ZSWIM9: variants seen among roughly 807,000 people sequenced by gnomAD.
ZSWIM9 encodes the protein zinc finger SWIM-type containing 9.
A neutral mutation model predicts 25.0 loss-of-function variants in ZSWIM9; 11 were observed. The observed-to-expected ratio is 0.44, with a 90% CI of 0.28 to 0.73. The LOEUF (loss-of-function observed/expected upper bound fraction) is 0.73. ZSWIM9 is among the 30% of genes least tolerant of loss of function. ZSWIM9 has a pLI of 0.16. For synonymous variants in ZSWIM9, 562 were observed against 582.1 expected (o/e 0.97, Z 0.50); for missense variants, 1,070 against 1,296.5 (o/e 0.83, Z 2.68).
At chr19:48,179,229 T>C (rs1481767497) in intron 2 of ZSWIM9, among the ~76,000 whole-genome samples, 2 of 152,096 alleles carry the variant, frequency 1.3e-5, no homozygotes, top group Non-Finnish European at 2.9e-5. Context: ...GGTGCCATCA[T>C]AGCTCACTAT....
intron 2 of ZSWIM9, among the ~76,000 whole-genome samples, chr19:48,178,467 A>G (rs2036915327): frequency 6.6e-6 from 1 of 152,096 alleles, no homozygotes; most frequent in Admixed American, 6.6e-5. Context: ...TGGGGTATTT[A>G]CTACCTGGGA....
chr19:48,192,529 C>T (rs391152), intron 3 of ZSWIM9, among the ~76,000 whole-genome samples: 29,633 of 88,350 alleles, frequency 0.34, 5,796 homozygotes, highest in Middle Eastern at 0.43. Context: ...ATTTACATAG[C>T]CCCGCCTTCA....
chr19:48,180,208 G>A (rs544983512), intron 2 of ZSWIM9, among the ~76,000 whole-genome samples: 23 of 152,162 alleles, frequency 1.5e-4, no homozygotes, highest in South Asian at 4.1e-4. Flanking sequence ...TAGAGACCGC[G>A]TTTCTCCATG....
Position 48,196,396 on chromosome 19 carries a change from A to G in ZSWIM9, c.2332A>G (p.Ser778Gly). 4 of 1,232,456 alleles carry G rather than the reference A, an allele frequency of 3.2e-6. No homozygotes were observed. Among genetic ancestry groups the G allele is most frequent in the Non-Finnish European group, 4.0e-6 (4 of 988,250 alleles). The allele number at this position is 1,232,456 out of a possible 1,614,324, so 76.3% of individuals were successfully genotyped here. The change falls in exon 4 of 4, where the codon AGC (serine) becomes GGC (glycine). Residue 778 changes from serine to glycine, a missense_variant. Ser to Gly is a moderately conservative substitution (Grantham distance 56, BLOSUM62 0). Coordinates refer to ENST00000614654, the MANE Select transcript of ZSWIM9 (RefSeq NM_199341.4). ...CCCGGTGGGGACTGTATTGGAAGGC[A>G]GCCCAGAATGGGCAGCGGCGAGGAG... ...GTPVGTVLEG[S>G]PEWAAARSEH...
intron 2 of ZSWIM9, among the ~76,000 whole-genome samples, chr19:48,176,452 C>T (rs274873): frequency 0.56 from 85,642 of 151,914 alleles, 24,943 homozygotes; most frequent in East Asian, 0.86. Flanking sequence ...AGATTGTTCC[C>T]AGGATAACAC....
chr19:48,173,203 T>A (rs1186979248), intron 2 of ZSWIM9, among the ~76,000 whole-genome samples: 1 of 152,204 alleles, frequency 6.6e-6, no homozygotes, highest in Non-Finnish European at 1.5e-5. Context: ...GGTAGTTCCC[T>A]ACAACTGTGC....
At chr19:48,191,933 G>C (rs2037098780) in intron 3 of ZSWIM9, 1 of 154,794 alleles carries the variant, frequency 6.5e-6, no homozygotes, top group Non-Finnish European at 1.5e-5. Context: ...CAAATCGCAT[G>C]GGTGACTCCA....
intron 3 of ZSWIM9, chr19:48,187,627 G>A (rs2037045902): frequency 1.0e-5 from 1 of 99,402 alleles, no homozygotes. Flanking sequence ...ATTATAATAT[G>A]TAACGCATAA....
At position 48,182,914 on chromosome 19, in the gene ZSWIM9, G is replaced by C. The variant is rs909229489; in HGVS notation, c.588+147G>C. ...TTCATTCATTCAATAAGTACTTACC[G>C]AGGCATTGGGGATGCAGCAGCAAAC... On this transcript the variant is annotated intron_variant, in intron 3 of 3. Coordinates refer to ENST00000614654, the MANE Select transcript of ZSWIM9 (RefSeq NM_199341.4). This position sits in a 1 kb window ranked among gnomAD's most constrained non-coding sequence, Gnocchi z 4.6. 1.0e-5 allele frequency: 7 copies of C among 673,416 alleles called. No homozygotes were observed. The highest frequency in any genetic ancestry group is 1.7e-5 in the Non-Finnish European group (7 of 404,504). The allele number at this position is 673,416 out of a possible 1,614,324, so 41.7% of individuals were successfully genotyped here. A position where few individuals can be genotyped will look rare whatever the true frequency, so the allele number is the denominator to read the frequency against.
chr19:48,171,148 C>G, intron 1 of ZSWIM9: 1 of 814,098 alleles, frequency 1.2e-6, no homozygotes, highest in Middle Eastern at 6.3e-4. Context: ...TCAGGGAAGC[C>G]CCAGCTACAG....
intron 2 of ZSWIM9, among the ~76,000 whole-genome samples, chr19:48,172,762 C>T (rs1376655777): frequency 2.0e-5 from 3 of 152,010 alleles, no homozygotes; most frequent in Non-Finnish European, 2.9e-5. Context: ...GTGATCTGCC[C>T]GTCTTGCCTC....
intron 3 of ZSWIM9, among the ~76,000 whole-genome samples, chr19:48,187,475 T>A (rs1338035829): frequency 1.5e-5 from 1 of 66,008 alleles, no homozygotes; most frequent in South Asian, 3.5e-4. Context: ...ATATATTATA[T>A]ATATTATATA....
rs1172011699 is a variant in ZSWIM9, at chr19:48,195,296, G to A, written c.1232G>A (p.Arg411Gln). 3.3e-6 allele frequency: 5 copies of A among 1,530,092 alleles called. No individual in the cohort carries two copies. The highest frequency in any genetic ancestry group is 1.2e-5 in the South Asian group (1 of 83,856). The allele number at this position is 1,530,092 out of a possible 1,614,324, so 94.8% of individuals were successfully genotyped here. Residue 411 changes from arginine (R) to glutamine (Q), a missense_variant, in exon 4 of 4, where the codon CGG (arginine) becomes CAG (glutamine). Arg to Gln is a conservative substitution (Grantham distance 43). Around this residue, in one of 4 missense-constraint regions of ZSWIM9, gnomAD observed 184 missense variants for 243.1 expected, o/e 0.76. Transcript: ENST00000614654. This position sits in a 1 kb window ranked among gnomAD's most constrained non-coding sequence, Gnocchi z 5.8. ...TGTGCCCTGGTGCGAGGCCACCGCC[G>A]GCGACTGCTGCGTCGTCTCAGCCCC... ...DACALVRGHR[R>Q]RLLRRLSPSR...
At position 48,182,310 on chromosome 19, in the gene ZSWIM9, T is replaced by C. The variant is rs1385542954; in HGVS notation, c.276-145T>C. 10 of 693,768 alleles carry C rather than the reference T, an allele frequency of 1.4e-5. No homozygotes were observed. In the East Asian group the frequency reaches 1.9e-4, roughly 13 times the overall value. The allele number at this position is 693,768 out of a possible 1,614,324, so 43.0% of individuals were successfully genotyped here. ...GAGACTTGAAGTGACTTGCCCCAGG[T>C]CACACAGCTGGCATATTCTTAGGGC... On this transcript the variant is annotated intron_variant, in intron 2 of 3. Transcript: ENST00000614654. The surrounding 1 kb of genome is among the most constrained non-coding windows in gnomAD (Gnocchi z 4.6).
Position 48,187,391 on chromosome 19 carries a change from TA to T in ZSWIM9, c.588+4625del, listed in dbSNP as rs1391876617. Among the ~76,000 whole-genome samples, 127 of 109,366 alleles carry T rather than the reference TA, an allele frequency of 1.2e-3. 3 individuals are homozygous for T. Among genetic ancestry groups the T allele is most frequent in the East Asian group, 1.7e-3 (7 of 4,200 alleles). 71.7% of individuals were successfully genotyped at this position (109,366 alleles called of 152,430 possible). A position where few individuals can be genotyped will look rare whatever the true frequency, so the allele number is the denominator to read the frequency against. Reference sequence around the variant, plus strand: ...TATAACAGTATAATGTAATAATTAATATATTATATTAATTATATATTATAAT... The same window carrying T: ...TATAACAGTATAATGTAATAATTAATTATTATATTAATTATATATTATAAT... On this transcript the variant is annotated intron_variant, in intron 3 of 3. Transcript: ENST00000614654.
chr19:48,174,164 T>C (rs910270680), intron 2 of ZSWIM9, among the ~76,000 whole-genome samples: 2 of 151,758 alleles, frequency 1.3e-5, no homozygotes, highest in Admixed American at 6.6e-5. Context: ...AGACCCTTGG[T>C]TGGGGAGCTG....
intron 3 of ZSWIM9, chr19:48,192,112 T>C (rs1329038623): frequency 6.5e-6 from 1 of 154,330 alleles, no homozygotes; most frequent in Non-Finnish European, 1.5e-5. Context: ...CGAAACCTTC[T>C]TTTTTATATT....
chr19:48,171,075 A>T (rs2036793702), intron 1 of ZSWIM9: 1 of 227,970 alleles, frequency 4.4e-6, no homozygotes, highest in Admixed American at 6.5e-5. Flanking sequence ...CAAGTGGGGC[A>T]CACACCTGTA....
intron 3 of ZSWIM9, among the ~76,000 whole-genome samples, chr19:48,187,985 T>TAGATAGATAGACAGAC (rs1555787428): frequency 1.4e-4 from 21 of 146,386 alleles, no homozygotes; most frequent in African/African-American, 5.4e-4. Flanking sequence ...GATAGATAGA[T>TAGATAGATAGACAGAC]AGACAGACAG....
Sources: gnomAD v4.1 joint callset for allele counts (sites outside exome capture counted in the v4.1 genomes callset) on GRCh38, gnomAD v4.1.1 for gene constraint, gnomAD v4.1.1 regional missense constraint, Gnocchi (gnomAD v3.1) non-coding constraint, MANE v1.5 for transcripts, NCBI Gene and HGNC (gene_info 2026-07-23, HGNC 2026-07-21) for gene names.